COP1: variants seen among roughly 807,000 people sequenced by gnomAD.
The protein encoded by COP1 is E3 ubiquitin-protein ligase COP1.
A neutral mutation model predicts 101.3 loss-of-function variants in COP1; 24 were observed. That is an observed-to-expected ratio of 0.24 (90% CI 0.17 to 0.33). COP1 has a LOEUF of 0.33. Ranked by LOEUF, COP1 falls within the 10% of genes least tolerant of loss-of-function variation. COP1 has a pLI of 1.00. For synonymous variants in COP1, 347 were observed against 341.9 expected, an observed-to-expected ratio of 1.01 and a Z score of -0.17; for missense variants, 663 against 906.2, an observed-to-expected ratio of 0.73 and a Z score of 3.45.
intron 2 of COP1, among the ~76,000 whole-genome samples, chr1:176,179,305 T>C (rs1264920002): frequency 6.6e-6 from 1 of 151,620 alleles, no homozygotes; most frequent in Non-Finnish European, 1.5e-5. Flanking sequence ...AAAAAAAAAT[T>C]ACATAATAAA....
chr1:175,987,940 C>T (rs1341251158), intron 17 of COP1, among the ~76,000 whole-genome samples: 3 of 152,174 alleles, frequency 2.0e-5, no homozygotes, highest in Non-Finnish European at 4.4e-5. Flanking sequence ...TAAGAAGACA[C>T]ATAATGTCTC....
At chr1:175,985,016 T>TGA (rs1656774804) in intron 18 of COP1, among the ~76,000 whole-genome samples, 1 of 152,236 alleles carries the variant, frequency 6.6e-6, no homozygotes, top group East Asian at 1.9e-4. Flanking sequence ...TTTGGACTTC[T>TGA]GAGTTAATGC....
chr1:175,988,194 A>G, intron 17 of COP1, 94 bp downstream of exon 17: 2 of 1,222,670 alleles, frequency 1.6e-6, no homozygotes, highest in South Asian at 3.0e-5. Flanking sequence ...TGCACAGACC[A>G]TTTCTTGACT....
chr1:176,085,898 A>T lies in COP1; in HGVS notation c.1027-8T>A. On this transcript the variant is annotated splice_polypyrimidine_tract_variant and splice_region_variant and intron_variant, in intron 9 of 19. Transcript: ENST00000367669. ...CCAAGGCTGTTTCTTTGTCTAAAAT[A>T]ATAAGAAAAGACACAAAACTTAGAA... The T allele has an allele frequency of 6.6e-7, 1 of 1,516,124 alleles. No homozygotes were observed. Among genetic ancestry groups the T allele is most frequent in the Non-Finnish European group, 9.1e-7 (1 of 1,098,598 alleles). The allele number at this position is 1,516,124 out of a possible 1,614,324, so 93.9% of individuals were successfully genotyped here. A position where few individuals can be genotyped will look rare whatever the true frequency, so the allele number is the denominator to read the frequency against.
chr1:176,026,425 C>T (rs1056625040), intron 15 of COP1, among the ~76,000 whole-genome samples: 6 of 152,026 alleles, frequency 3.9e-5, no homozygotes, highest in Admixed American at 3.3e-4. Context: ...ACAGCTCTAC[C>T]TCTATGTTAC....
At position 175,987,120 on chromosome 1, in the gene COP1, A is replaced by G. The variant is rs763662037; in HGVS notation, c.1973-17T>C. ...TTTCACTTCCTGAAAACAAATAATA[A>G]TAATAGTATTTTAGAATAGAAAAAC... On this transcript the variant is annotated splice_polypyrimidine_tract_variant and intron_variant, in intron 17 of 19. Transcript: ENST00000367669. The G allele has an allele frequency of 7.8e-7, 1 of 1,289,150 alleles. No homozygotes were observed. Among genetic ancestry groups the G allele is most frequent in the Non-Finnish European group, 1.1e-6 (1 of 928,758 alleles). 79.9% of individuals were successfully genotyped at this position (1,289,150 alleles called of 1,614,324 possible).
At chr1:176,152,752 C>CA (rs1443460870) in intron 5 of COP1, among the ~76,000 whole-genome samples, 1 of 151,918 alleles carries the variant, frequency 6.6e-6, no homozygotes, top group Admixed American at 6.6e-5. Flanking sequence ...AAATTCTAAC[C>CA]AAAAAAACCC....
chr1:176,194,533 G>A (rs1400768418), intron 1 of COP1, among the ~76,000 whole-genome samples: 4 of 152,122 alleles, frequency 2.6e-5, no homozygotes, highest in African/African-American at 7.2e-5. Context: ...AGCTACTAGG[G>A]AGGCTGAGGC....
intron 9 of COP1, among the ~76,000 whole-genome samples, chr1:176,099,091 A>C (rs1682924859): frequency 6.6e-6 from 1 of 152,194 alleles, no homozygotes; most frequent in East Asian, 1.9e-4. Context: ...GAGATAATCA[A>C]ACTACTTTGT....
chr1:176,039,343 A>G (rs1194129047), intron 14 of COP1, among the ~76,000 whole-genome samples: 1 of 152,218 alleles, frequency 6.6e-6, no homozygotes, highest in African/African-American at 2.4e-5. Flanking sequence ...CACTGAATAC[A>G]TATATTAGAA....
chr1:176,079,848 T>C (rs1326996861), intron 11 of COP1, among the ~76,000 whole-genome samples: 1 of 152,132 alleles, frequency 6.6e-6, no homozygotes, highest in East Asian at 1.9e-4. Flanking sequence ...TAAATTTTCA[T>C]TAAACATTTC....
At chr1:176,016,707 T>A (rs1665714870) in intron 15 of COP1, among the ~76,000 whole-genome samples, 1 of 152,196 alleles carries the variant, frequency 6.6e-6, no homozygotes, top group Non-Finnish European at 1.5e-5. Flanking sequence ...TTATTGTGTT[T>A]ACATGTCCAT....
chr1:176,083,942 C>T (rs1388666508), intron 10 of COP1, among the ~76,000 whole-genome samples: 5 of 152,142 alleles, frequency 3.3e-5, no homozygotes, highest in Admixed American at 3.3e-4. Context: ...ATCTAATTTT[C>T]CACCTGGTTT....
At chr1:176,010,035 A>C (rs192510591) in intron 15 of COP1, among the ~76,000 whole-genome samples, 2 of 152,264 alleles carry the variant, frequency 1.3e-5, no homozygotes, top group East Asian at 3.9e-4. Context: ...GCTTTGAAAA[A>C]AATATCCAGT....
At position 176,191,635 on chromosome 1, in the gene COP1, A is replaced by G. The variant is rs530640472; in HGVS notation, c.408-6943T>C. The stretch of plus-strand genomic sequence containing the variant: ...CAAACTCTTCTTTACACCTATACCG[A>G]TAACACTAGATCCTCTGAACCAATC... On this transcript the variant is annotated intron_variant, in intron 1 of 19. Transcript: ENST00000367669. 2.0e-4 allele frequency among the ~76,000 whole-genome samples: 30 copies of G among 152,216 alleles called. No homozygotes were observed. In the South Asian group the frequency reaches 2.7e-3, roughly 14 times the overall value.
intron 18 of COP1, among the ~76,000 whole-genome samples, chr1:175,952,157 C>T (rs1212166414): frequency 6.6e-6 from 1 of 152,188 alleles, no homozygotes; most frequent in East Asian, 1.9e-4. Flanking sequence ...CGCAGTGGCT[C>T]ACGCCTGTAA....
chr1:176,058,629 G>T (rs975047659), intron 11 of COP1, among the ~76,000 whole-genome samples: 2 of 152,010 alleles, frequency 1.3e-5, no homozygotes, highest in Non-Finnish European at 2.9e-5. Flanking sequence ...GCGGAAGGCC[G>T]CAGGGTCCTC....
intron 9 of COP1, among the ~76,000 whole-genome samples, chr1:176,089,483 T>C (rs1558085680): frequency 6.6e-6 from 1 of 152,236 alleles, no homozygotes; most frequent in Non-Finnish European, 1.5e-5. Context: ...CAAAGGTTTG[T>C]GGTCCTAAAT....
chr1:176,182,862 A>C (rs1216273945), intron 2 of COP1, among the ~76,000 whole-genome samples: 1 of 152,244 alleles, frequency 6.6e-6, no homozygotes, highest in African/African-American at 2.4e-5. Context: ...GAAAATAAAA[A>C]GTATTCAAGA....
Sources: allele counts gnomAD v4.1 joint callset (sites outside exome capture counted in the v4.1 genomes callset), GRCh38; gene constraint gnomAD v4.1.1; transcripts MANE v1.5; gene names NCBI Gene and HGNC (gene_info 2026-07-23, HGNC 2026-07-21).